ERICH6B: variants seen among roughly 807,000 people sequenced by gnomAD.
The protein encoded by ERICH6B is glutamate-rich protein 6B.
A neutral mutation model predicts 80.0 loss-of-function variants in ERICH6B; 69 were observed. The observed-to-expected ratio is 0.86, with a 90% CI of 0.71 to 1.05. ERICH6B has a LOEUF of 1.05. Ranked by LOEUF, ERICH6B falls within the 50% of genes least tolerant of loss-of-function variation. ERICH6B has a pLI of 0.00. For synonymous variants in ERICH6B, 283 were observed against 291.9 expected (o/e 0.97, Z 0.31); for missense variants, 754 against 796.1 (o/e 0.95, Z 0.64).
At chr13:45,567,819 C>T (rs111959801) in intron 9 of ERICH6B, among the ~76,000 whole-genome samples, 6,328 of 152,324 alleles carry the variant, frequency 0.042, 215 homozygotes, top group Non-Finnish European at 0.064. Context: ...CTGGCCATGA[C>T]CCCAGGTCAG....
At chr13:45,558,883 G>A (rs1874548701) in intron 11 of ERICH6B, among the ~76,000 whole-genome samples, 1 of 152,086 alleles carries the variant, frequency 6.6e-6, no homozygotes, top group South Asian at 2.1e-4. Flanking sequence ...GGATATTGGT[G>A]TGTAGTTTTC....
At chr13:45,576,200 C>A (rs1451109196) in intron 7 of ERICH6B, among the ~76,000 whole-genome samples, 1 of 152,170 alleles carries the variant, frequency 6.6e-6, no homozygotes, top group Non-Finnish European at 1.5e-5. Flanking sequence ...CTGCGTTTAC[C>A]CACACTGTCC....
At chr13:45,587,352 C>T (rs1411301901) in intron 4 of ERICH6B, 120 bp from the exon 5 acceptor site, 1 of 829,438 alleles carries the variant, frequency 1.2e-6, no homozygotes, top group South Asian at 1.8e-5. Flanking sequence ...TGATGGACAT[C>T]TCAAGGTTTG....
chr13:45,604,256 C>T (rs1259918646), intron 2 of ERICH6B, among the ~76,000 whole-genome samples: 2 of 152,254 alleles, frequency 1.3e-5, no homozygotes, highest in African/African-American at 4.8e-5. Context: ...GTTACATTTT[C>T]TTTGGCTCAT....
At chr13:45,602,464 C>G (rs567897120) in intron 2 of ERICH6B, among the ~76,000 whole-genome samples, 1 of 152,308 alleles carries the variant, frequency 6.6e-6, no homozygotes, top group Admixed American at 6.5e-5. Context: ...AATCAGTCTT[C>G]TTGGTTTGAC....
intron 11 of ERICH6B, among the ~76,000 whole-genome samples, chr13:45,558,130 C>CTTTGT (rs2137971573): frequency 6.6e-6 from 1 of 152,124 alleles, no homozygotes; most frequent in East Asian, 1.9e-4. Context: ...TTGTGGTTTT[C>CTTTGT]CTTGTAGAGA....
intron 2 of ERICH6B, among the ~76,000 whole-genome samples, chr13:45,606,923 C>G (rs1949870645): frequency 6.6e-6 from 1 of 152,010 alleles, no homozygotes; most frequent in Non-Finnish European, 1.5e-5. Context: ...ATAGATTGAC[C>G]TAGAAGATCC....
chr13:45,567,487 C>T (rs73466506), intron 9 of ERICH6B, among the ~76,000 whole-genome samples: 17,753 of 151,998 alleles, frequency 0.12, 3,060 homozygotes, highest in African/African-American at 0.37. Context: ...GTTCTGTTCT[C>T]GTAATAGTGA....
At chr13:45,597,920 A>G (rs1366928852) in intron 2 of ERICH6B, among the ~76,000 whole-genome samples, 1 of 152,120 alleles carries the variant, frequency 6.6e-6, no homozygotes, top group Admixed American at 6.5e-5. Flanking sequence ...TGCCATCTCT[A>G]GACTGAATTA....
chr13:45,596,872 T>C lies in ERICH6B; in HGVS notation c.134A>G (p.Asp45Gly). Residue 45 changes from aspartate to glycine, a missense_variant, in exon 3 of 15, where the codon GAT becomes GGT. Asp to Gly is a moderately conservative substitution (Grantham distance 94). Transcript: ENST00000298738. ...EVELDEESLQ[D>G]ESPFSPEGES... ...TCCCTCTGGAGAAAATGGAGATTCA[T>C]CCTGTAGACTTTCCTCATCTAGTTC... The C allele has an allele frequency of 1.3e-6, 2 of 1,551,886 alleles. No homozygotes were observed.
At chr13:45,594,887 T>A (rs528885308) in intron 3 of ERICH6B, among the ~76,000 whole-genome samples, 1 of 152,334 alleles carries the variant, frequency 6.6e-6, no homozygotes, top group African/African-American at 2.4e-5. Flanking sequence ...CCTAGTTGAA[T>A]ATGGCCATGC....
intron 10 of ERICH6B, among the ~76,000 whole-genome samples, chr13:45,562,388 G>A (rs1452552256): frequency 2.0e-5 from 3 of 152,224 alleles, no homozygotes; most frequent in Non-Finnish European, 4.4e-5. Flanking sequence ...ATAGCAACAA[G>A]TTTCTTTTTA....
chr13:45,580,099 T>G, intron 6 of ERICH6B, 125 bp from the exon 7 acceptor site: 1 of 806,130 alleles, frequency 1.2e-6, no homozygotes, highest in South Asian at 1.8e-5. Flanking sequence ...CAGGGTGGAG[T>G]GCCTGTGTTT....
intron 9 of ERICH6B, among the ~76,000 whole-genome samples, chr13:45,564,675 C>T (rs1022818554): frequency 1.3e-5 from 2 of 152,168 alleles, no homozygotes; most frequent in African/African-American, 4.8e-5. Context: ...CCCATTTGTA[C>T]CAAATGTTAT....
At chr13:45,601,855 C>T (rs1949829426) in intron 2 of ERICH6B, among the ~76,000 whole-genome samples, 2 of 152,184 alleles carry the variant, frequency 1.3e-5, no homozygotes, top group Admixed American at 1.3e-4. Context: ...ACTTGTGATT[C>T]AGACCATGAC....
intron 5 of ERICH6B, 138 bp from the exon 6 acceptor site, chr13:45,580,803 C>G: frequency 1.3e-6 from 1 of 775,896 alleles, no homozygotes; most frequent in Non-Finnish European, 2.1e-6. Flanking sequence ...CTGAGGCTGG[C>G]GGCACAGCTG....
At chr13:45,599,962 T>C (rs1949816208) in intron 2 of ERICH6B, among the ~76,000 whole-genome samples, 3 of 152,160 alleles carry the variant, frequency 2.0e-5, no homozygotes, top group Admixed American at 6.5e-5. Flanking sequence ...CTGTGGTATA[T>C]GAATGTCTTT....
Position 45,590,807 on chromosome 13 carries a change from A to G in ERICH6B, c.638-110T>C, listed in dbSNP as rs190959020. 98 of 891,262 alleles carry G rather than the reference A, an allele frequency of 1.1e-4. No homozygotes were observed. The East Asian group carries it at 2.6e-3, about 24-fold the overall frequency. 55.2% of individuals were successfully genotyped at this position (891,262 alleles called of 1,614,324 possible). On this transcript the variant is annotated intron_variant, in intron 3 of 14. Coordinates refer to ENST00000298738, the MANE Select transcript of ERICH6B (RefSeq NM_182542.3). ...AGGGCCCTAGTTATAGAAATTTTCT[A>G]TTTTTACTTTTCTTTAGTATTGTCT...
At chr13:45,587,309 G>A in intron 4 of ERICH6B, 77 bp from the exon 5 acceptor site, 1 of 1,325,878 alleles carries the variant, frequency 7.5e-7, no homozygotes, top group African/African-American at 1.5e-5. Context: ...CATGTTAGGG[G>A]TTGAGGGGGT....
Sources: allele counts gnomAD v4.1 joint callset (sites outside exome capture counted in the v4.1 genomes callset), GRCh38; gene constraint gnomAD v4.1.1; transcripts MANE v1.5; gene names NCBI Gene and HGNC (gene_info 2026-07-23, HGNC 2026-07-21).